Variants in PDE4DIP observed in about 807,000 individuals in gnomAD.
PDE4DIP encodes the protein myomegalin.
In PDE4DIP, 59 loss-of-function variants were observed where a neutral mutation model predicts 221.4. The observed-to-expected ratio is 0.27, with a 90% CI of 0.22 to 0.33. The LOEUF (loss-of-function observed/expected upper bound fraction) is 0.33, where lower values mean the gene tolerates loss of function less well. Among genes scored for constraint, PDE4DIP ranks in the 10% least tolerant of loss-of-function variants. The probability of loss-of-function intolerance (pLI) is 1.00; values close to 1 mark genes in which losing one functional copy is unlikely to be tolerated. For synonymous variants in PDE4DIP, 404 were observed against 815.9 expected (o/e 0.50, Z 8.60); for missense variants, 1,036 against 2,154.2 (o/e 0.48, Z 10.28).
chr1:148,829,312 A>G (rs1468503661), intron 1 of PDE4DIP, among the ~76,000 whole-genome samples: 2 of 105,876 alleles, frequency 1.9e-5, no homozygotes, highest in African/African-American at 7.6e-5. Context: ...TGCAAACATT[A>G]ATGAAAAATA....
chr1:148,934,857 G>A (rs1388261712), intron 4 of PDE4DIP, among the ~76,000 whole-genome samples: 1 of 152,090 alleles, frequency 6.6e-6, no homozygotes, highest in Non-Finnish European at 1.5e-5. Context: ...GCCTGCCTCA[G>A]CCTCCCAAAG....
intron 9 of PDE4DIP, among the ~76,000 whole-genome samples, chr1:148,963,917 C>T (rs191744243): frequency 2.7e-5 from 4 of 149,424 alleles, no homozygotes; most frequent in African/African-American, 9.8e-5. Flanking sequence ...CCACCACGCC[C>T]GGCTAATTTT....
rs1381230220 is a variant in PDE4DIP at position 148,862,315 on chromosome 1, G to T, written c.234-935G>T. On this transcript the variant is annotated intron_variant, in intron 1 of 45. Transcript: ENST00000524974. Reference sequence around the variant, plus strand: ...CTACATTTGTGGAGCTTACAACAGTGCCTAAAAGCACTTGTCAAGCATGGG... The same window carrying T: ...CTACATTTGTGGAGCTTACAACAGTTCCTAAAAGCACTTGTCAAGCATGGG... Among the ~76,000 whole-genome samples, 3 of 149,844 alleles carry T rather than the reference G, an allele frequency of 2.0e-5. 1 individual carries two copies. Among genetic ancestry groups the T allele is most frequent in the Admixed American group, 6.6e-5 (1 of 15,078 alleles).
At chr1:149,032,159 G>A (rs1471295568) in exon 44 of PDE4DIP, 8 of 1,295,524 alleles carry the variant, frequency 6.2e-6, no homozygotes, top group Middle Eastern at 5.1e-4. Context: ...ATGTATCCTG[G>A]TGGAGCTGGG....
At chr1:148,982,347 T>A (rs187241981) in intron 21 of PDE4DIP, 1 of 152,220 alleles carries the variant, frequency 6.6e-6, no homozygotes, top group Non-Finnish European at 1.5e-5. Flanking sequence ...GGGTATTGCT[T>A]CTTTCATTTG....
intron 20 of PDE4DIP, 33 bp downstream of exon 23, chr1:148,979,882 T>A (rs781838248): frequency 6.2e-7 from 1 of 1,600,776 alleles, no homozygotes; most frequent in East Asian, 2.2e-5. Context: ...TTTTATTCTT[T>A]ATTGAAATTT....
At chr1:148,898,962 G>T (rs2040049336) in intron 1 of PDE4DIP, among the ~76,000 whole-genome samples, 1 of 106,412 alleles carries the variant, frequency 9.4e-6, no homozygotes, top group Non-Finnish European at 1.8e-5. Context: ...CTCCCAAGTA[G>T]CTGGGATTAC....
At chr1:148,951,981 G>A (rs2053443884) in intron 5 of PDE4DIP, 2 of 930,654 alleles carry the variant, frequency 2.1e-6, no homozygotes, top group Non-Finnish European at 2.6e-6. Context: ...GCTGCTGGCG[G>A]GAAGCGGGGG....
exon 44 of PDE4DIP, chr1:149,032,972 T>A (rs1472408106): frequency 1.9e-4 from 36 of 190,574 alleles, no homozygotes; most frequent in Admixed American, 1.7e-3. Flanking sequence ...TTTTGGTGAT[T>A]GTTAAAGCAA....
intron 5 of PDE4DIP, chr1:148,952,104 G>C (rs587728765): frequency 1.8e-5 from 18 of 1,021,340 alleles, no homozygotes; most frequent in African/African-American, 5.1e-5. Context: ...GAGGAGCCTC[G>C]ACATCCTGCA....
chr1:149,032,495 C>CCTGTTGG (rs1204927404), exon 44 of PDE4DIP: 1 of 344,084 alleles, frequency 2.9e-6, no homozygotes, highest in African/African-American at 2.0e-5. Flanking sequence ...GTGAGCACTA[C>CCTGTTGG]TCACAGATCC....
rs1186926791 is a variant in PDE4DIP, at chr1:149,007,145, A to T, written c.4416-56A>T. The T allele has an allele frequency of 2.9e-5, 18 of 624,192 alleles. No individual in the cohort carries two copies. In the East Asian group the frequency reaches 5.0e-4, roughly 17 times the overall value. 38.7% of individuals were successfully genotyped at this position (624,192 alleles called of 1,614,324 possible). On this transcript the variant is annotated intron_variant, in intron 27 of 43. Coordinates refer to ENST00000369354, the Ensembl canonical transcript of PDE4DIP. ...TCTCTACAGAAGCCCCCATAACTCC[A>T]TAAGTTAGCTTCCACTCTTTCCATA...
chr1:149,001,653 T>C (rs782429372), exon 24 of PDE4DIP: 3 of 1,613,864 alleles, frequency 1.9e-6, no homozygotes, highest in East Asian at 4.5e-5. Flanking sequence ...GGAGAAGCAA[T>C]GTCTGATGGA....
In PDE4DIP at chr1:149,021,224, T is replaced by C. The variant is rs1254682792; in HGVS notation, c.6085+71T>C. ...TAGGATGCTAGTGAGGTCTTTCCTT[T>C]GGGAGTTGTGGAGATCATGGGAAGC... is the stretch of plus-strand genomic sequence containing the variant. On this transcript the variant is annotated intron_variant, in intron 37 of 43. Coordinates refer to ENST00000369354, the Ensembl canonical transcript of PDE4DIP. 17 of 696,424 alleles carry C rather than the reference T, an allele frequency of 2.4e-5. No homozygotes were observed. In the Middle Eastern group the frequency reaches 1.4e-3, roughly 56 times the overall value. The allele number at this position is 696,424 out of a possible 1,614,324, so 43.1% of individuals were successfully genotyped here.
chr1:148,968,084 G>A (rs2058512482), intron 13 of PDE4DIP, among the ~76,000 whole-genome samples, 179 bp downstream of exon 16: 1 of 148,390 alleles, frequency 6.7e-6, no homozygotes, highest in African/African-American at 2.5e-5. Context: ...ACTTAAGTTG[G>A]CAATTAACTT....
Position 148,977,972 on chromosome 1 carries a change from G to T in PDE4DIP, c.2355G>T (p.Val785=), listed in dbSNP as rs782571348. The T allele has an allele frequency of 3.1e-6, 5 of 1,614,124 alleles. No homozygotes were observed. The African/African-American group carries it at 6.7e-5, about 22-fold the overall frequency. The change falls in exon 18 of 44, where the codon GTG becomes GTT. Residue 785 remains valine, a synonymous_variant. Transcript: ENST00000369354. ...CTGCTCTACAGTCCATGATGGCTGT[G>T]CAGGAAGAAGAGCTGCAGGTGCAGG...
intron 5 of PDE4DIP, among the ~76,000 whole-genome samples, chr1:148,951,639 T>C (rs1357150044): frequency 1.3e-5 from 2 of 151,214 alleles, no homozygotes; most frequent in African/African-American, 4.8e-5. Context: ...GGTGGTAATC[T>C]ACTCGCGGCT....
intron 37 of PDE4DIP, among the ~76,000 whole-genome samples, chr1:149,022,126 CAAGT>C (rs2073175770): frequency 1.3e-5 from 2 of 148,240 alleles, no homozygotes; most frequent in African/African-American, 2.5e-5. Context: ...CATGTTCACA[CAAGT>C]AAGGTGTAGG....
At chr1:148,990,000 C>T (rs1186083233) in intron 21 of PDE4DIP, among the ~76,000 whole-genome samples, 1 of 152,156 alleles carries the variant, frequency 6.6e-6, no homozygotes, top group Non-Finnish European at 1.5e-5. Flanking sequence ...TGCCACAGAC[C>T]TCTAAAGATG....
Sources: gnomAD v4.1 joint callset for allele counts (sites outside exome capture counted in the v4.1 genomes callset) on GRCh38, gnomAD v4.1.1 for gene constraint, MANE v1.5 for transcripts, NCBI Gene and HGNC (gene_info 2026-07-23, HGNC 2026-07-21) for gene names.